Variants in TTC7B observed in about 807,000 individuals in gnomAD.
TTC7B encodes tetratricopeptide repeat domain 7B.
TTC7B carries 28 observed loss-of-function variants against 106.8 expected under a neutral mutation model. That is an observed-to-expected ratio of 0.26 (90% confidence interval 0.19 to 0.36). The LOEUF (loss-of-function observed/expected upper bound fraction) is 0.36. Among genes scored for constraint, TTC7B ranks in the 10% least tolerant of loss-of-function variants. TTC7B has a pLI of 1.00. For missense variants in TTC7B, 862 were observed against 1,076.4 expected (o/e 0.80, Z 2.79); for synonymous variants, 405 against 430.6 (o/e 0.94, Z 0.74).
rs187069614 is a variant in TTC7B, at chr14:90,570,745, T to C, written c.2310+7361A>G. On this transcript the variant is annotated intron_variant, in intron 19 of 19. Coordinates refer to ENST00000328459, the MANE Select transcript of TTC7B (RefSeq NM_001010854.2). This position sits in a 1 kb window ranked among gnomAD's most constrained non-coding sequence, Gnocchi z 4.0. ...CAGGCGCGACCTGGATTACAGAGAA[T>C]GACAGCGACACTCAGAGCTGATATT... 6.6e-6 allele frequency among the ~76,000 whole-genome samples: 1 copy of C among 152,312 alleles called. No individual in the cohort carries two copies. The highest frequency in any genetic ancestry group is 1.9e-4 in the East Asian group (1 of 5,188).
intron 11 of TTC7B, among the ~76,000 whole-genome samples, chr14:90,655,813 A>G (rs1431379570): frequency 6.6e-6 from 1 of 152,224 alleles, no homozygotes; most frequent in African/African-American, 2.4e-5. Context: ...TGGAAATTTT[A>G]ATAATAAAAA....
chr14:90,682,785 G>C (rs975311713), intron 7 of TTC7B, among the ~76,000 whole-genome samples: 5 of 152,202 alleles, frequency 3.3e-5, no homozygotes, highest in African/African-American at 1.2e-4. Context: ...GAGCTGGCAG[G>C]CTGGCAAAGG....
intron 18 of TTC7B, among the ~76,000 whole-genome samples, chr14:90,584,555 T>C (rs1891637636): frequency 6.6e-6 from 1 of 152,154 alleles, no homozygotes. Context: ...CTGCTCTCTC[T>C]GGGGGCTTAG....
At chr14:90,754,919 T>G (rs998550143) in intron 3 of TTC7B, among the ~76,000 whole-genome samples, 1 of 152,260 alleles carries the variant, frequency 6.6e-6, no homozygotes, top group African/African-American at 2.4e-5. Flanking sequence ...CTTCATCCTT[T>G]TTTTTCAATT....
At chr14:90,761,537 A>C (rs1890502064) in intron 3 of TTC7B, among the ~76,000 whole-genome samples, 1 of 152,256 alleles carries the variant, frequency 6.6e-6, no homozygotes, top group Admixed American at 6.5e-5. Context: ...CCGAATTTTC[A>C]GAGATTGATT....
chr14:90,672,413 G>T (rs1389080438), intron 9 of TTC7B, among the ~76,000 whole-genome samples: 1 of 152,126 alleles, frequency 6.6e-6, no homozygotes, highest in African/African-American at 2.4e-5. Context: ...TGACAATCAG[G>T]CCCCACACTT....
At chr14:90,729,202 C>T (rs1191410243) in intron 5 of TTC7B, among the ~76,000 whole-genome samples, 3 of 152,214 alleles carry the variant, frequency 2.0e-5, no homozygotes, top group East Asian at 3.8e-4. Flanking sequence ...TGGACGCATG[C>T]GGCTCTGGGC....
intron 16 of TTC7B, 52 bp downstream of exon 16, chr14:90,617,877 A>T: frequency 7.2e-7 from 1 of 1,382,876 alleles, no homozygotes; most frequent in Non-Finnish European, 1.0e-6. Flanking sequence ...AGGCACTGAT[A>T]GGCAGGGACC....
rs535867056 is a variant in TTC7B at position 90,679,928 on chromosome 14, C to T, written c.1014+544G>A. On this transcript the variant is annotated intron_variant, in intron 8 of 19. Transcript: ENST00000328459. Reference sequence around the variant, plus strand: ...AATAGCAGTGACAAGTGAGCTCTCACGGCCTGGGACTTTACAGTGTCTGGC... The same window carrying T: ...AATAGCAGTGACAAGTGAGCTCTCATGGCCTGGGACTTTACAGTGTCTGGC... Among the ~76,000 whole-genome samples, 19 of 152,332 alleles carry T rather than the reference C, an allele frequency of 1.2e-4. 1 individual carries two copies. Among genetic ancestry groups the T allele is most frequent in the African/African-American group, 3.8e-4 (16 of 41,566 alleles).
chr14:90,627,598 C>T (rs907951160), intron 15 of TTC7B, among the ~76,000 whole-genome samples: 5 of 152,124 alleles, frequency 3.3e-5, no homozygotes, highest in African/African-American at 4.8e-5. Context: ...GGGCCGTGGC[C>T]GTCCCGGGTG....
intron 6 of TTC7B, among the ~76,000 whole-genome samples, chr14:90,695,075 A>ATATATT (rs1225362282): frequency 3.7e-3 from 167 of 45,376 alleles, no homozygotes; most frequent in Admixed American, 0.027. Context: ...TATAAAATAT[A>ATATATT]TTTTATTTTA....
intron 13 of TTC7B, among the ~76,000 whole-genome samples, chr14:90,650,653 G>A (rs555198210): frequency 8.5e-5 from 13 of 152,328 alleles, no homozygotes; most frequent in Admixed American, 2.0e-4. Context: ...TATGCATACT[G>A]TGGGCCATGC....
chr14:90,664,315 G>A (rs1886324353), intron 9 of TTC7B, among the ~76,000 whole-genome samples: 1 of 152,014 alleles, frequency 6.6e-6, no homozygotes, highest in African/African-American at 2.4e-5. Context: ...TGTCACCCAG[G>A]CTGGAGTGTG....
In TTC7B at chr14:90,578,355, G is replaced by A; in HGVS notation, c.2108-47C>T. On this transcript the variant is annotated intron_variant, in intron 18 of 19. Coordinates refer to ENST00000328459, the MANE Select transcript of TTC7B (RefSeq NM_001010854.2). The surrounding 1 kb of genome is among the most constrained non-coding windows in gnomAD (Gnocchi z 4.7). ...ACATGCTTTCCTGGTGCCCCTCTGA[G>A]GCCCTGCGAGCAGCCACCACTCTGA... 1.3e-6 allele frequency: 2 copies of A among 1,580,880 alleles called. No individual in the cohort carries two copies. Among genetic ancestry groups the A allele is most frequent in the Non-Finnish European group, 1.7e-6 (2 of 1,160,252 alleles).
At chr14:90,607,847 T>G (rs1208090111) in intron 17 of TTC7B, among the ~76,000 whole-genome samples, 2 of 152,274 alleles carry the variant, frequency 1.3e-5, no homozygotes, top group African/African-American at 4.8e-5. Context: ...GTTGTTTATG[T>G]AAAGGGGCAG....
intron 19 of TTC7B, among the ~76,000 whole-genome samples, chr14:90,564,257 T>G (rs1174940521): frequency 6.6e-6 from 1 of 152,160 alleles, no homozygotes; most frequent in East Asian, 1.9e-4. Context: ...GGTAACCAAG[T>G]ACATTGTCAC....
At chr14:90,554,698 A>T (rs1331439943) in intron 19 of TTC7B, among the ~76,000 whole-genome samples, 1 of 152,226 alleles carries the variant, frequency 6.6e-6, no homozygotes, top group African/African-American at 2.4e-5. Context: ...GCCACAGAGC[A>T]AGGCTTATTG....
At position 90,766,878 on chromosome 14, in the gene TTC7B, G is replaced by C. The variant is rs1595359856; in HGVS notation, c.445+13860C>G. Reference sequence around the variant, plus strand: ...ATGAAGACCTGGAGCGACTGAAGAAGATTCGGGCCCATAGAGGGCTGTGCC... The same window carrying C: ...ATGAAGACCTGGAGCGACTGAAGAACATTCGGGCCCATAGAGGGCTGTGCC... On this transcript the variant is annotated intron_variant, in intron 3 of 19. Transcript: ENST00000328459. The C allele has an allele frequency of 2.5e-6, 4 of 1,596,080 alleles. No homozygotes were observed. The South Asian group carries it at 3.3e-5, about 13-fold the overall frequency.
At chr14:90,602,317 T>C (rs945499912) in intron 17 of TTC7B, 4 of 429,470 alleles carry the variant, frequency 9.3e-6, no homozygotes, top group Non-Finnish European at 1.9e-5. Flanking sequence ...AGATGGACTG[T>C]CGTCCAAATA....
Sources: gnomAD v4.1 joint callset for allele counts (sites outside exome capture counted in the v4.1 genomes callset) on GRCh38, gnomAD v4.1.1 for gene constraint, Gnocchi (gnomAD v3.1) non-coding constraint, MANE v1.5 for transcripts, NCBI Gene and HGNC (gene_info 2026-07-23, HGNC 2026-07-21) for gene names.